The following ADH1C variants were observed in gnomAD, a reference collection of about 807,000 sequenced individuals.
The protein encoded by ADH1C is alcohol dehydrogenase 1C (class I), gamma polypeptide.
ADH1C carries 26 observed loss-of-function variants against 35.0 expected under a neutral mutation model. That is an observed-to-expected ratio of 0.74 (90% CI 0.54 to 1.03). The LOEUF is 1.03. ADH1C is among the 50% of genes least tolerant of loss of function. The pLI, the probability that ADH1C is intolerant of heterozygous loss-of-function variation, is 0.00. For missense variants in ADH1C, 413 were observed against 465.4 expected (o/e 0.89, Z 1.04); for synonymous variants, 170 against 169.3 (o/e 1.00, Z -0.03).
intron 3 of ADH1C, among the ~76,000 whole-genome samples, chr4:99,346,488 G>A (rs983601889): frequency 3.3e-5 from 5 of 152,118 alleles, no homozygotes; most frequent in Admixed American, 3.3e-4. Flanking sequence ...CTCAGGAAGA[G>A]AGACCATGTT....
chr4:99,342,296 G>A (rs529526067), intron 6 of ADH1C, among the ~76,000 whole-genome samples: 89 of 152,208 alleles, frequency 5.8e-4, no homozygotes, highest in Non-Finnish European at 1.0e-3. Context: ...TATTAAAGCA[G>A]TCACTTTCCT....
At chr4:99,342,700 A>C in intron 6 of ADH1C, 95 bp downstream of exon 6, 5 of 1,531,816 alleles carry the variant, frequency 3.3e-6, no homozygotes, top group Non-Finnish European at 4.4e-6. Context: ...TTCATCATTA[A>C]AAATATCCTT....
At chr4:99,348,727 G>C (rs1734602590) in intron 1 of ADH1C, among the ~76,000 whole-genome samples, 1 of 151,342 alleles carries the variant, frequency 6.6e-6, no homozygotes, top group African/African-American at 2.4e-5. Flanking sequence ...GGTTGAACTA[G>C]TTTACAGTCC....
intron 1 of ADH1C, 136 bp downstream of exon 1, chr4:99,352,522 A>G: frequency 3.3e-6 from 2 of 610,394 alleles, no homozygotes; most frequent in Admixed American, 3.2e-5. Flanking sequence ...TCTAATTTAG[A>G]TATGAATTTT....
chr4:99,342,825 C>T lies in ADH1C; in HGVS notation c.798G>A (p.Ser266=), dbSNP rs754512748. The T allele has an allele frequency of 1.7e-5, 27 of 1,613,920 alleles. No individual in the cohort carries two copies. In the East Asian group the frequency reaches 2.2e-4, roughly 13 times the overall value. ...TGTCAAGCCGACCGATGACTTCAAA[C>T]GAAAAATCCACACCTCCATCAGTCA... The part of the protein sequence containing the change: ...KEMTDGGVDF[S]FEVIGRLDTM... Residue 266 remains serine, a synonymous_variant, in exon 6 of 9, where the codon TCG becomes TCA. Transcript: ENST00000515683.
At chr4:99,346,278 C>T (rs2110660162) in intron 3 of ADH1C, among the ~76,000 whole-genome samples, 1 of 151,944 alleles carries the variant, frequency 6.6e-6, no homozygotes, top group African/African-American at 2.4e-5. Flanking sequence ...AGTTATTCAT[C>T]CTTAATTAAT....
chr4:99,339,735 A>T lies in ADH1C; in HGVS notation c.965-20T>A. The T allele has an allele frequency of 6.3e-7, 1 of 1,595,104 alleles. No individual in the cohort carries two copies. Among genetic ancestry groups the T allele is most frequent in the Non-Finnish European group, 8.5e-7 (1 of 1,173,202 alleles). Reference sequence around the variant, plus strand: ...TAAAGCCTGAAAAGAAGAAAATATCATTGATAGATTCAACCAGGGTAAGTA... The same window carrying T: ...TAAAGCCTGAAAAGAAGAAAATATCTTTGATAGATTCAACCAGGGTAAGTA... On this transcript the variant is annotated intron_variant, in intron 7 of 8. Coordinates refer to ENST00000515683, the MANE Select transcript of ADH1C (RefSeq NM_000669.5).
intron 8 of ADH1C, 130 bp from the exon 9 acceptor site, chr4:99,336,906 C>T: frequency 7.8e-7 from 1 of 1,283,548 alleles, no homozygotes; most frequent in Non-Finnish European, 1.1e-6. Context: ...CCTTCCCATC[C>T]CTATGCATTT....
Position 99,342,887 on chromosome 4 carries a change from C to T in ADH1C, c.736G>A (p.Asp246Asn). The change falls in exon 6 of 9, where the codon GAC becomes AAC. Residue 246 changes from aspartate (D) to asparagine (N), a missense_variant. Transcript: ENST00000515683. Reference protein sequence around the residue: ...LGATECINPQDYKKPIQEVLK... With the variant: ...LGATECINPQNYKKPIQEVLK... Reference sequence around the variant, plus strand: ...ACTTCCTGAATGGGTTTCTTGTAGTCTTGAGGGTTGATGCATTCAGTGGCA... The same window carrying T: ...ACTTCCTGAATGGGTTTCTTGTAGTTTTGAGGGTTGATGCATTCAGTGGCA... 2 of 1,613,992 alleles carry T rather than the reference C, an allele frequency of 1.2e-6. No homozygotes were observed. Among genetic ancestry groups the T allele is most frequent in the Non-Finnish European group, 1.7e-6 (2 of 1,179,970 alleles).
At chr4:99,340,081 GTGGAGATGAAAGTCC>G (rs1734377156) in intron 7 of ADH1C, among the ~76,000 whole-genome samples, 1 of 152,158 alleles carries the variant, frequency 6.6e-6, no homozygotes, top group African/African-American at 2.4e-5. Context: ...ACAAAAAGAG[GTGGAGATGAAAGTCC>G]TGGTTAATAG....
At position 99,338,393 on chromosome 4, in the gene ADH1C, T is replaced by TTATATATATATATATATATATATATATA. The variant is rs1334509876; in HGVS notation, c.1103+1183_1103+1184insTATATATATATATATATATATATATATA. Among the ~76,000 whole-genome samples the TTATATATATATATATATATATATATATA allele has an allele frequency of 2.7e-5, 2 of 73,090 alleles. 1 individual carries two copies. The highest frequency in any genetic ancestry group is 1.1e-4 in the African/African-American group (2 of 18,308). 47.9% of individuals were successfully genotyped at this position (73,090 alleles called of 152,430 possible). ...TAATTAACCTTTGATGAATACTGTTTTCTATATATATATATATATATATAT... is the reference window on the plus strand; with the variant it reads ...TAATTAACCTTTGATGAATACTGTTTTATATATATATATATATATATATATATATCTATATATATATATATATATATAT... On this transcript the variant is annotated intron_variant, in intron 8 of 8. Coordinates refer to ENST00000515683, the MANE Select transcript of ADH1C (RefSeq NM_000669.5).
chr4:99,338,395 C>CATATATATA (rs1734328832), intron 8 of ADH1C, among the ~76,000 whole-genome samples: 1 of 38,946 alleles, frequency 2.6e-5, no homozygotes, highest in African/African-American at 9.2e-5. Flanking sequence ...ATACTGTTTT[C>CATATATATA]TATATATATA....
At chr4:99,337,970 G>A (rs1734314591) in intron 8 of ADH1C, among the ~76,000 whole-genome samples, 2 of 151,818 alleles carry the variant, frequency 1.3e-5, no homozygotes, top group South Asian at 2.1e-4. Flanking sequence ...AAATAAACAT[G>A]CTTAAACATA....
chr4:99,344,358 G>A (rs62307297), intron 5 of ADH1C, among the ~76,000 whole-genome samples: 47,464 of 151,982 alleles, frequency 0.31, 8,843 homozygotes, highest in Non-Finnish European at 0.41. Context: ...ATTACTTTCC[G>A]TCTAAGAATC....
intron 8 of ADH1C, among the ~76,000 whole-genome samples, chr4:99,338,134 G>A (rs1734318731): frequency 6.6e-6 from 1 of 151,106 alleles, no homozygotes; most frequent in African/African-American, 2.4e-5. Flanking sequence ...GTATATGAAA[G>A]CATCCAAGTC....
intron 1 of ADH1C, among the ~76,000 whole-genome samples, chr4:99,348,102 T>TA (rs1734584561): frequency 6.6e-6 from 1 of 151,476 alleles, no homozygotes; most frequent in African/African-American, 2.4e-5. Flanking sequence ...AGGTTATTCT[T>TA]TTTTATTTTA....
rs1405740704 is a variant in ADH1C, at chr4:99,345,248, A to G, written c.278T>C (p.Leu93Pro). The change falls in exon 4 of 9, where the codon CTC (leucine) becomes CCC (proline). Residue 93 changes from leucine to proline, a missense_variant. By Grantham distance (98) the Leu-to-Pro change is moderately conservative. Coordinates refer to ENST00000515683, the MANE Select transcript of ADH1C (RefSeq NM_000669.5). ...TVKPGDKVIPLFTPQCGKCRI... is the reference protein window; with the variant it reads ...TVKPGDKVIPPFTPQCGKCRI... ...GCATTTTCCACACTGAGGAGTAAAG[A>G]GCGGGATGACTTTATCACCTGCAGA... 6.2e-7 allele frequency: 1 copy of G among 1,613,848 alleles called. No homozygotes were observed. The highest frequency in any genetic ancestry group is 2.2e-5 in the East Asian group (1 of 44,902).
chr4:99,337,101 T>C (rs776090874), intron 8 of ADH1C, among the ~76,000 whole-genome samples: 9 of 152,220 alleles, frequency 5.9e-5, no homozygotes, highest in Non-Finnish European at 7.3e-5. Context: ...AAAATAACAA[T>C]AGATAATAAC....
At chr4:99,350,351 G>A (rs1734645830) in intron 1 of ADH1C, among the ~76,000 whole-genome samples, 1 of 152,150 alleles carries the variant, frequency 6.6e-6, no homozygotes, top group Non-Finnish European at 1.5e-5. Flanking sequence ...TGGTTTTTGA[G>A]ATTTGCTGCA....
Sources: allele counts gnomAD v4.1 joint callset (sites outside exome capture counted in the v4.1 genomes callset), GRCh38; gene constraint gnomAD v4.1.1; transcripts MANE v1.5; gene names NCBI Gene and HGNC (gene_info 2026-07-23, HGNC 2026-07-21).